Variants in ZNF600 observed in about 807,000 individuals in gnomAD.
The protein encoded by ZNF600 is zinc finger protein KR-ZNF1.
ZNF600 carries 4 observed loss-of-function variants against 7.3 expected under a neutral mutation model. That is an observed-to-expected ratio of 0.55 (90% CI 0.27 to 1.25). The LOEUF (loss-of-function observed/expected upper bound fraction) is 1.25, where lower values mean the gene tolerates loss of function less well. ZNF600 is among the 50% of genes most tolerant of loss of function. The probability of loss-of-function intolerance (pLI) is 0.12; values close to 1 mark genes in which losing one functional copy is unlikely to be tolerated. For missense variants in ZNF600, 911 were observed against 922.1 expected (o/e 0.99, Z 0.16); for synonymous variants, 290 against 308.9 (o/e 0.94, Z 0.64).
exon 4 of ZNF600, chr19:52,766,949 A>G: frequency 6.2e-7 from 1 of 1,614,168 alleles, no homozygotes; most frequent in Non-Finnish European, 8.5e-7. Flanking sequence ...GTTTTTCTCC[A>G]GTATGAATTG....
At chr19:52,768,734 T>C (rs2062608858) in intron 3 of ZNF600, among the ~76,000 whole-genome samples, 1 of 151,964 alleles carries the variant, frequency 6.6e-6, no homozygotes, top group African/African-American at 2.4e-5. Flanking sequence ...TTAGTAGAGA[T>C]GTGTGGGCAG....
the ZNF600 span, among the ~76,000 whole-genome samples, chr19:52,811,248 C>T: frequency 6.6e-6 from 1 of 151,702 alleles, no homozygotes; most frequent in African/African-American, 2.4e-5. Context: ...ACTACAACCT[C>T]CACCTCCCAG....
the ZNF600 span, chr19:52,798,352 T>A: frequency 2.9e-6 from 1 of 341,486 alleles, no homozygotes; most frequent in African/African-American, 2.2e-5. Context: ...AACTCAATGT[T>A]AAGTCAACTC....
the ZNF600 span, chr19:52,800,916 C>A: frequency 3.7e-6 from 6 of 1,613,944 alleles, no homozygotes; most frequent in South Asian, 5.5e-5. Context: ...GTGTGATTTG[C>A]GACTGAAAAC....
At chr19:52,833,163 G>C in the ZNF600 span, among the ~76,000 whole-genome samples, 1 of 152,152 alleles carries the variant, frequency 6.6e-6, no homozygotes, top group African/African-American at 2.4e-5. Flanking sequence ...GAATTTACCA[G>C]ATATCTGTGC....
the ZNF600 span, among the ~76,000 whole-genome samples, chr19:52,792,168 CCTT>C: frequency 2.6e-5 from 4 of 152,346 alleles, no homozygotes; most frequent in South Asian, 6.2e-4. Context: ...CCCCTTGGGG[CCTT>C]CTTCTCACCA....
chr19:52,799,930 C>G, the ZNF600 span: 1 of 1,613,934 alleles, frequency 6.2e-7, no homozygotes. Context: ...TTGCCACACT[C>G]ATTACACTTG....
At chr19:52,801,321 G>C in the ZNF600 span, 22 of 1,613,994 alleles carry the variant, frequency 1.4e-5, no homozygotes, top group South Asian at 1.4e-4. Flanking sequence ...TTGGGATGTT[G>C]AAACTGAGGA....
the ZNF600 span, among the ~76,000 whole-genome samples, chr19:52,823,089 TACTTTATC>T: frequency 7.9e-5 from 12 of 152,184 alleles, no homozygotes; most frequent in African/African-American, 2.9e-4. Context: ...CAAGGAAGGT[TACTTTATC>T]ACTCCATAAG....
At chr19:52,812,178 C>T in the ZNF600 span, among the ~76,000 whole-genome samples, 13 of 130,348 alleles carry the variant, frequency 1.0e-4, 1 homozygote, top group Admixed American at 8.8e-4. Flanking sequence ...GCCGCCCCAT[C>T]TGGGAGGTGA....
chr19:52,776,503 C>G (rs2062676610), intron 2 of ZNF600, among the ~76,000 whole-genome samples: 1 of 151,886 alleles, frequency 6.6e-6, no homozygotes, highest in African/African-American at 2.4e-5. Context: ...CCTCGGCCAC[C>G]CAGGTTCAAG....
the ZNF600 span, among the ~76,000 whole-genome samples, chr19:52,802,848 C>T: frequency 6.6e-6 from 1 of 150,900 alleles, no homozygotes; most frequent in Non-Finnish European, 1.5e-5. Flanking sequence ...GCAAGCTCCA[C>T]CTCCCGGGTT....
the ZNF600 span, among the ~76,000 whole-genome samples, chr19:52,795,578 A>C: frequency 6.6e-6 from 1 of 152,074 alleles, no homozygotes; most frequent in Non-Finnish European, 1.5e-5. Flanking sequence ...CTTTATTTTT[A>C]TTTTGTTGAG....
the ZNF600 span, chr19:52,800,111 C>T: frequency 1.1e-3 from 1,715 of 1,608,996 alleles, 9 homozygotes; most frequent in African/African-American, 0.018. Flanking sequence ...TACATTTGTA[C>T]GGTTTCTCTC....
exon 4 of ZNF600, chr19:52,765,479 G>C: frequency 6.5e-7 from 1 of 1,531,450 alleles, no homozygotes; most frequent in Non-Finnish European, 9.0e-7. Context: ...AATGATGTCT[G>C]AAAAATTTGC....
chr19:52,767,267 T>C, exon 4 of ZNF600: 1 of 1,614,208 alleles, frequency 6.2e-7, no homozygotes, highest in African/African-American at 1.3e-5. Flanking sequence ...TCTCATTACA[T>C]TGGAAAGATT....
the ZNF600 span, among the ~76,000 whole-genome samples, chr19:52,802,113 T>C: frequency 6.6e-6 from 1 of 152,232 alleles, no homozygotes; most frequent in African/African-American, 2.4e-5. Context: ...ATATACTATA[T>C]TGGTAAATAA....
At chr19:52,796,042 G>A in the ZNF600 span, among the ~76,000 whole-genome samples, 1 of 152,156 alleles carries the variant, frequency 6.6e-6, no homozygotes, top group Non-Finnish European at 1.5e-5. Flanking sequence ...GGGTGCAATG[G>A]CGCATGGCTG....
intron 3 of ZNF600, among the ~76,000 whole-genome samples, chr19:52,772,480 G>C (rs1289676020): frequency 6.6e-6 from 1 of 151,954 alleles, no homozygotes; most frequent in African/African-American, 2.4e-5. Flanking sequence ...GTGCATGCCT[G>C]TAATCCCAGC....
Sources: gnomAD v4.1 joint callset for allele counts (sites outside exome capture counted in the v4.1 genomes callset) on GRCh38, gnomAD v4.1.1 for gene constraint, MANE v1.5 for transcripts, NCBI Gene and HGNC (gene_info 2026-07-23, HGNC 2026-07-21) for gene names.